LIN28B: variants seen among roughly 807,000 people sequenced by gnomAD.
LIN28B encodes the protein lin-28 RNA binding posttranscriptional regulator B.
A neutral mutation model predicts 21.9 loss-of-function variants in LIN28B; 5 were observed. The ratio of observed to expected loss-of-function variants is 0.23; its 90% CI spans 0.12 to 0.48. LIN28B has a LOEUF of 0.48. LIN28B is among the 20% of genes least tolerant of loss of function. The pLI, the probability that LIN28B is intolerant of heterozygous loss-of-function variation, is 0.98. For missense variants in LIN28B, 245 were observed against 310.5 expected (o/e 0.79, Z 1.58); for synonymous variants, 109 against 111.3 (o/e 0.98, Z 0.13).
At chr6:104,944,746 A>G (rs1312360642) in intron 2 of LIN28B, among the ~76,000 whole-genome samples, 3 of 152,146 alleles carry the variant, frequency 2.0e-5, no homozygotes, top group African/African-American at 7.2e-5. Flanking sequence ...AAAAAGTACT[A>G]TTTTAAGCAT....
At chr6:105,077,049 G>C (rs1177884470) in intron 3 of LIN28B, among the ~76,000 whole-genome samples, 1 of 151,856 alleles carries the variant, frequency 6.6e-6, no homozygotes, top group Non-Finnish European at 1.5e-5. Context: ...GGCCAACATG[G>C]TGAAACCCTG....
chr6:104,948,806 T>C (rs1778187190), intron 2 of LIN28B, among the ~76,000 whole-genome samples: 1 of 152,222 alleles, frequency 6.6e-6, no homozygotes. Context: ...TACTTTTCCT[T>C]TGAAGCGGAC....
Position 104,950,531 on chromosome 6 carries a change from TA to T in LIN28B, c.67+25del, listed in dbSNP as rs1002454861. ...CCAGGTTAGTCTTTTTTTTTTTTTT[TA>T]AATATTTTGTTTAATTAATGTTTTA... is the stretch of plus-strand genomic sequence containing the variant. On this transcript the variant is annotated intron_variant, in intron 3 of 5. Coordinates refer to the LIN28B transcript ENST00000635857. 3.1e-4 allele frequency: 348 copies of T among 1,113,026 alleles called. No homozygotes were observed. In the African/African-American group the frequency reaches 4.4e-3, roughly 14 times the overall value. 68.9% of individuals were successfully genotyped at this position (1,113,026 alleles called of 1,614,324 possible). A position where few individuals can be genotyped will look rare whatever the true frequency, so the allele number is the denominator to read the frequency against.
chr6:105,052,786 T>A (rs1277310540), intron 3 of LIN28B, among the ~76,000 whole-genome samples: 1 of 152,220 alleles, frequency 6.6e-6, no homozygotes, highest in African/African-American at 2.4e-5. Context: ...TCTTGTTTCT[T>A]GATCATTCTA....
intron 2 of LIN28B, among the ~76,000 whole-genome samples, chr6:104,974,854 C>T (rs1018685362): frequency 6.6e-6 from 1 of 151,968 alleles, no homozygotes; most frequent in African/African-American, 2.4e-5. Context: ...GAGTCTCACT[C>T]TGTTGCCCAG....
At chr6:104,955,487 C>A (rs116091033), upstream of LIN28B, among the ~76,000 whole-genome samples, 1,077 of 152,168 alleles carry the variant, frequency 7.1e-3, 10 homozygotes, top group African/African-American at 0.024. Flanking sequence ...AAAATAACTT[C>A]TATTTTTTAT....
intron 3 of LIN28B, among the ~76,000 whole-genome samples, chr6:105,060,323 G>A (rs545767319): frequency 6.6e-6 from 1 of 152,228 alleles, no homozygotes; most frequent in South Asian, 2.1e-4. Context: ...GAGTGCAGTG[G>A]TGTGATCATG....
intron 3 of LIN28B, among the ~76,000 whole-genome samples, chr6:105,051,831 C>T (rs1475103566): frequency 6.6e-6 from 1 of 152,098 alleles, no homozygotes; most frequent in Non-Finnish European, 1.5e-5. Flanking sequence ...ATGGAACATA[C>T]CAGGGTCTTG....
chr6:105,009,644 C>T (rs191645681), intron 2 of LIN28B, among the ~76,000 whole-genome samples: 1 of 152,140 alleles, frequency 6.6e-6, no homozygotes, highest in South Asian at 2.1e-4. Flanking sequence ...GGGTGAATAG[C>T]GCACTGTTCT....
chr6:105,005,478 G>A (rs574779588), intron 2 of LIN28B, among the ~76,000 whole-genome samples: 65 of 152,070 alleles, frequency 4.3e-4, no homozygotes, highest in African/African-American at 1.5e-3. Flanking sequence ...TCTTTGATAT[G>A]GTTTCAATTT....
intron 3 of LIN28B, among the ~76,000 whole-genome samples, chr6:105,038,178 A>G (rs1771562152): frequency 6.6e-6 from 1 of 152,240 alleles, no homozygotes; most frequent in Admixed American, 6.5e-5. Context: ...CAAAGTATCT[A>G]TAGAAATTAG....
chr6:105,052,100 G>A (rs898847707), intron 3 of LIN28B, among the ~76,000 whole-genome samples: 2 of 152,132 alleles, frequency 1.3e-5, no homozygotes, highest in Admixed American at 6.5e-5. Flanking sequence ...TTATTCAAAA[G>A]GAAAACCTGT....
chr6:104,998,753 C>T (rs1037069949), intron 2 of LIN28B, among the ~76,000 whole-genome samples: 2 of 152,068 alleles, frequency 1.3e-5, no homozygotes, highest in African/African-American at 2.4e-5. Flanking sequence ...AGACAGTTTA[C>T]TTACACATTG....
intron 3 of LIN28B, among the ~76,000 whole-genome samples, chr6:105,046,672 G>C (rs1345666740): frequency 6.6e-6 from 1 of 152,084 alleles, no homozygotes; most frequent in African/African-American, 2.4e-5. Flanking sequence ...ATCCTCTCCA[G>C]CACCTGTTGT....
intron 3 of LIN28B, among the ~76,000 whole-genome samples, chr6:105,054,264 G>C (rs913295447): frequency 1.3e-5 from 2 of 152,040 alleles, no homozygotes; most frequent in Non-Finnish European, 2.9e-5. Context: ...TTCTCATTTG[G>C]TTTTGTTTGT....
At chr6:104,995,319 G>C (rs886249692) in intron 2 of LIN28B, among the ~76,000 whole-genome samples, 1 of 152,186 alleles carries the variant, frequency 6.6e-6, no homozygotes, top group Non-Finnish European at 1.5e-5. Flanking sequence ...GAGGGTGAGA[G>C]AGGAGGCAAG....
chr6:105,040,671 G>A (rs563329550), intron 3 of LIN28B, among the ~76,000 whole-genome samples: 1 of 151,932 alleles, frequency 6.6e-6, no homozygotes, highest in South Asian at 2.1e-4. Flanking sequence ...ACTTTAAAAG[G>A]TAATAGAACT....
chr6:105,078,954 G>A lies in LIN28B; in HGVS notation c.*171G>A. ...CTCTAAGCAAATTACATTTGAGCAG[G>A]GTGTCATGTTTTATGTTAATTCAGA... On this transcript the variant is annotated 3_prime_UTR_variant, in exon 4 of 4. Coordinates refer to ENST00000345080, the MANE Select transcript of LIN28B (RefSeq NM_001004317.4). 1.5e-6 allele frequency: 1 copy of A among 672,612 alleles called. No individual in the cohort carries two copies. Among genetic ancestry groups the A allele is most frequent in the Non-Finnish European group, 2.4e-6 (1 of 409,498 alleles). 41.7% of individuals were successfully genotyped at this position (672,612 alleles called of 1,614,324 possible). A position where few individuals can be genotyped will look rare whatever the true frequency, so the allele number is the denominator to read the frequency against.
At chr6:105,064,199 C>A (rs538193389) in intron 3 of LIN28B, among the ~76,000 whole-genome samples, 1 of 152,066 alleles carries the variant, frequency 6.6e-6, no homozygotes, top group Non-Finnish European at 1.5e-5. Context: ...ATGCAAATAT[C>A]AGATGAATAA....
Sources: allele counts gnomAD v4.1 joint callset (sites outside exome capture counted in the v4.1 genomes callset), GRCh38; gene constraint gnomAD v4.1.1; transcripts MANE v1.5; gene names NCBI Gene and HGNC (gene_info 2026-07-23, HGNC 2026-07-21).